The following FAR2 variants were observed in gnomAD, a reference collection of about 807,000 sequenced individuals.
FAR2 encodes fatty acyl-CoA reductase 2, also known as epididymis secretory protein Li 81.
Under a neutral mutation model 56.0 loss-of-function variants are expected in FAR2, and 19 were observed. The observed-to-expected ratio is 0.34, with a 90% CI of 0.24 to 0.50. FAR2 has a LOEUF of 0.50. FAR2 is among the 20% of genes least tolerant of loss of function. FAR2 has a pLI of 0.98. For missense variants in FAR2, 508 were observed against 642.2 expected (o/e 0.79, Z 2.26); for synonymous variants, 219 against 218.8 (o/e 1.00, Z -0.01).
intron 4 of FAR2, among the ~76,000 whole-genome samples, chr12:29,302,258 AAAAAG>A: frequency 1.5e-5 from 2 of 130,798 alleles, no homozygotes; most frequent in Admixed American, 7.6e-5. Context: ...AAAAAAAAAA[AAAAAG>A]GTGCTTTCTT....
intron 1 of FAR2, among the ~76,000 whole-genome samples, chr12:29,182,085 A>G (rs1040352389): frequency 6.6e-6 from 1 of 152,158 alleles, no homozygotes; most frequent in Non-Finnish European, 1.5e-5. Flanking sequence ...TACTAACACT[A>G]CTATTGTGTG....
At chr12:29,257,815 T>C (rs898686285) in intron 1 of FAR2, among the ~76,000 whole-genome samples, 2 of 152,054 alleles carry the variant, frequency 1.3e-5, no homozygotes, top group African/African-American at 4.8e-5. Context: ...CTTTAAGAAC[T>C]GTAACACTCA....
At chr12:29,277,764 A>G (rs1193692741) in intron 2 of FAR2, 1 of 152,166 alleles carries the variant, frequency 6.6e-6, no homozygotes, top group East Asian at 1.9e-4. Context: ...CCTACTTTGC[A>G]TGCTTCTATC....
chr12:29,192,944 C>T (rs149150364), intron 1 of FAR2, among the ~76,000 whole-genome samples: 16 of 152,292 alleles, frequency 1.1e-4, no homozygotes, highest in African/African-American at 3.8e-4. Context: ...TTATCATCCA[C>T]ACCGTACATA....
In FAR2 at chr12:29,285,032, G is replaced by A. The variant is rs975959053; in HGVS notation, c.190-8268G>A. On this transcript the variant is annotated intron_variant, in intron 2 of 11. Transcript: ENST00000536681. Reference sequence around the variant, plus strand: ...AATTTTTTGTATTTTTAGTAGAGGCGGGGTTTCACTGTGTTAGCCAGGATG... The same window carrying A: ...AATTTTTTGTATTTTTAGTAGAGGCAGGGTTTCACTGTGTTAGCCAGGATG... Among the ~76,000 whole-genome samples, 6 of 152,044 alleles carry A rather than the reference G, an allele frequency of 3.9e-5. No homozygotes were observed. In the South Asian group the frequency reaches 6.2e-4, roughly 16 times the overall value.
intron 2 of FAR2, among the ~76,000 whole-genome samples, chr12:29,272,986 G>T (rs1453586275): frequency 6.6e-6 from 1 of 152,156 alleles, no homozygotes; most frequent in African/African-American, 2.4e-5. Flanking sequence ...ACTCAAAGAG[G>T]CTGGAGAGCA....
At position 29,149,354 on chromosome 12, in the gene FAR2, G is replaced by C. The variant is rs1465568672; in HGVS notation, c.-92G>C. The C allele has an allele frequency of 6.6e-6, 1 of 152,588 alleles. No homozygotes were observed. Among genetic ancestry groups the C allele is most frequent in the East Asian group, 1.9e-4 (1 of 5,202 alleles). 9.5% of individuals were successfully genotyped at this position (152,588 alleles called of 1,614,324 possible). A position where few individuals can be genotyped will look rare whatever the true frequency, so the allele number is the denominator to read the frequency against. The stretch of plus-strand genomic sequence containing the variant: ...AGCGCTTCCCGTAGCCTCGGGGAAG[G>C]AGCAGGATTTAGAGGACCACTAGTT... On this transcript the variant is annotated 5_prime_UTR_variant, in exon 1 of 12. Coordinates refer to ENST00000536681, the MANE Select transcript of FAR2 (RefSeq NM_001271783.2).
intron 4 of FAR2, among the ~76,000 whole-genome samples, chr12:29,299,602 C>A (rs1271111188): frequency 6.6e-6 from 1 of 152,164 alleles, no homozygotes; most frequent in Non-Finnish European, 1.5e-5. Flanking sequence ...CAGATAAATT[C>A]TGGGTGCAAT....
chr12:29,164,175 G>T (rs1454998018), intron 1 of FAR2, among the ~76,000 whole-genome samples: 1 of 152,098 alleles, frequency 6.6e-6, no homozygotes, highest in Non-Finnish European at 1.5e-5. Flanking sequence ...AAAATCGATT[G>T]CACCAAGCTT....
intron 1 of FAR2, among the ~76,000 whole-genome samples, chr12:29,184,981 C>A (rs1565685063): frequency 6.6e-6 from 1 of 152,060 alleles, no homozygotes; most frequent in Admixed American, 6.6e-5. Context: ...AGGTTGCTAA[C>A]CTTAAACCTC....
intron 1 of FAR2, among the ~76,000 whole-genome samples, chr12:29,218,186 C>A (rs7960834): frequency 0.043 from 6,579 of 151,984 alleles, 356 homozygotes; most frequent in African/African-American, 0.13. Flanking sequence ...AAAACCTTGT[C>A]TCTACTAAAA....
chr12:29,195,495 G>A (rs1950137134), intron 1 of FAR2, among the ~76,000 whole-genome samples: 1 of 152,148 alleles, frequency 6.6e-6, no homozygotes, highest in South Asian at 2.1e-4. Context: ...TAATAATTAT[G>A]TGATGCATAA....
At chr12:29,302,535 G>A (rs1184968048) in intron 4 of FAR2, among the ~76,000 whole-genome samples, 1 of 152,190 alleles carries the variant, frequency 6.6e-6, no homozygotes, top group East Asian at 1.9e-4. Flanking sequence ...TTACGTGTAG[G>A]GAAGAAGTTA....
chr12:29,281,847 G>A (rs113410239), intron 2 of FAR2, among the ~76,000 whole-genome samples: 5,270 of 151,966 alleles, frequency 0.035, 132 homozygotes, highest in Non-Finnish European at 0.052. Context: ...GGATTCAGTG[G>A]CAACACACGG....
At chr12:29,209,504 G>C (rs1246468283) in intron 1 of FAR2, among the ~76,000 whole-genome samples, 1 of 152,172 alleles carries the variant, frequency 6.6e-6, no homozygotes, top group African/African-American at 2.4e-5. Context: ...TAGGAGTGGT[G>C]ATTTCACTGC....
chr12:29,324,048 C>T (rs1302054508), intron 10 of FAR2, among the ~76,000 whole-genome samples: 1 of 152,082 alleles, frequency 6.6e-6, no homozygotes, highest in Non-Finnish European at 1.5e-5. Flanking sequence ...CAGACAAGTC[C>T]TTAAAGGAGC....
chr12:29,196,494 A>G (rs35071007), intron 1 of FAR2, among the ~76,000 whole-genome samples: 5,878 of 152,176 alleles, frequency 0.039, 328 homozygotes, highest in African/African-American at 0.13. Context: ...CTTCTTTTGA[A>G]AAATATCTGT....
rs369478979 is a variant in FAR2 at position 29,267,991 on chromosome 12, T to G, written c.-38-2421T>G. On this transcript the variant is annotated intron_variant, in intron 1 of 11. Coordinates refer to ENST00000536681, the MANE Select transcript of FAR2 (RefSeq NM_001271783.2). ...ATCTGCGTGTCTTCAGAACTTAGCA[T>G]AGAGTCTGGAATGGTAGGTGCTGAA... Among the ~76,000 whole-genome samples, 5 of 152,326 alleles carry G rather than the reference T, an allele frequency of 3.3e-5. No homozygotes were observed. The East Asian group carries it at 9.6e-4, about 29-fold the overall frequency.
chr12:29,174,515 AG>A (rs1301662800), intron 1 of FAR2, among the ~76,000 whole-genome samples: 1 of 123,936 alleles, frequency 8.1e-6, no homozygotes, highest in Non-Finnish European at 1.6e-5. Flanking sequence ...CGGCCTCCCC[AG>A]TTCATGCCAT....
Sources: gnomAD v4.1 joint callset for allele counts (sites outside exome capture counted in the v4.1 genomes callset) on GRCh38, gnomAD v4.1.1 for gene constraint, MANE v1.5 for transcripts, NCBI Gene and HGNC (gene_info 2026-07-23, HGNC 2026-07-21) for gene names.